PTPRZ1: variants seen among roughly 807,000 people sequenced by gnomAD.
PTPRZ1 encodes the protein receptor-type tyrosine-protein phosphatase zeta.
In PTPRZ1, 82 loss-of-function variants were observed where a neutral mutation model predicts 214.1. That is an observed-to-expected ratio of 0.38 (90% confidence interval 0.32 to 0.46). The LOEUF (loss-of-function observed/expected upper bound fraction) is 0.46. Ranked by LOEUF, PTPRZ1 falls within the 20% of genes least tolerant of loss-of-function variation. PTPRZ1 has a pLI of 1.00. For missense variants in PTPRZ1, 2,603 were observed against 2,748.7 expected (o/e 0.95, Z 1.19); for synonymous variants, 945 against 987.9 (o/e 0.96, Z 0.81).
At chr7:122,018,171 T>C (rs1184651022) in intron 12 of PTPRZ1, among the ~76,000 whole-genome samples, 1 of 152,166 alleles carries the variant, frequency 6.6e-6, no homozygotes, top group Non-Finnish European at 1.5e-5. Flanking sequence ...TATAAGGGCT[T>C]TTTGTAGCAC....
chr7:121,882,663 A>T (rs973811821), intron 1 of PTPRZ1, among the ~76,000 whole-genome samples: 3 of 152,146 alleles, frequency 2.0e-5, no homozygotes, highest in African/African-American at 7.2e-5. Context: ...ACTGGAATAG[A>T]TCTCTTTATT....
chr7:122,048,261 A>G (rs898317588), intron 23 of PTPRZ1, among the ~76,000 whole-genome samples: 1 of 152,174 alleles, frequency 6.6e-6, no homozygotes, highest in Non-Finnish European at 1.5e-5. Flanking sequence ...AAGATTTAAC[A>G]AAACCTAATG....
intron 10 of PTPRZ1, among the ~76,000 whole-genome samples, chr7:121,998,313 G>T (rs1798208314): frequency 6.6e-6 from 1 of 152,102 alleles, no homozygotes; most frequent in South Asian, 2.1e-4. Flanking sequence ...TGTTGAGACT[G>T]TTATTTTGGA....
intron 13 of PTPRZ1, among the ~76,000 whole-genome samples, chr7:122,024,076 A>T (rs1799133989): frequency 6.6e-6 from 1 of 151,820 alleles, no homozygotes; most frequent in Non-Finnish European, 1.5e-5. Context: ...ACGTGAAGAC[A>T]TTCACTGCTT....
At chr7:121,991,310 C>T (rs1797954723) in intron 8 of PTPRZ1, among the ~76,000 whole-genome samples, 1 of 152,102 alleles carries the variant, frequency 6.6e-6, no homozygotes, top group Non-Finnish European at 1.5e-5. Flanking sequence ...GTATACTATT[C>T]AAGTTTTTCA....
At chr7:121,951,625 G>T (rs1051857553) in intron 2 of PTPRZ1, among the ~76,000 whole-genome samples, 1 of 152,176 alleles carries the variant, frequency 6.6e-6, no homozygotes, top group African/African-American at 2.4e-5. Context: ...GTCAGCTGGG[G>T]TTCTCAACCT....
chr7:121,898,489 G>T (rs1441643957), intron 1 of PTPRZ1, among the ~76,000 whole-genome samples: 1 of 152,042 alleles, frequency 6.6e-6, no homozygotes, highest in African/African-American at 2.4e-5. Context: ...TATTCAAATT[G>T]TATTTTCTAG....
chr7:121,952,622 A>G (rs1264146417), intron 2 of PTPRZ1, among the ~76,000 whole-genome samples: 1 of 152,112 alleles, frequency 6.6e-6, no homozygotes, highest in Non-Finnish European at 1.5e-5. Context: ...AGTTTTGAAG[A>G]ATCAATTTAT....
chr7:122,054,827 C>A, intron 26 of PTPRZ1, 114 bp from the exon 27 acceptor site: 1 of 1,054,598 alleles, frequency 9.5e-7, no homozygotes, highest in Non-Finnish European at 1.3e-6. Flanking sequence ...TATTCAGATT[C>A]AAAGAAAAAT....
intron 10 of PTPRZ1, among the ~76,000 whole-genome samples, chr7:122,001,433 G>A (rs1249573210): frequency 6.6e-6 from 1 of 152,122 alleles, no homozygotes; most frequent in Non-Finnish European, 1.5e-5. Context: ...ATAATTATAT[G>A]TGTTAGATTT....
intron 1 of PTPRZ1, among the ~76,000 whole-genome samples, chr7:121,894,732 C>A (rs1246195599): frequency 1.3e-5 from 2 of 152,128 alleles, no homozygotes; most frequent in Non-Finnish European, 2.9e-5. Context: ...CCCATTCAAT[C>A]ATTGCTCTTT....
At chr7:121,911,286 A>G (rs1795268793) in intron 1 of PTPRZ1, among the ~76,000 whole-genome samples, 1 of 152,150 alleles carries the variant, frequency 6.6e-6, no homozygotes, top group African/African-American at 2.4e-5. Context: ...TTTCTTAATA[A>G]TTATATGCAC....
intron 1 of PTPRZ1, among the ~76,000 whole-genome samples, chr7:121,927,785 A>C (rs548464587): frequency 2.0e-5 from 3 of 152,362 alleles, no homozygotes; most frequent in African/African-American, 7.2e-5. Context: ...TTAATTAATA[A>C]GATTTCAGGC....
intron 23 of PTPRZ1, among the ~76,000 whole-genome samples, chr7:122,051,027 T>C (rs1792163532): frequency 6.6e-6 from 1 of 151,998 alleles, no homozygotes; most frequent in East Asian, 1.9e-4. Context: ...TGTAATGGAG[T>C]AGTAACAGAA....
At position 122,047,344 on chromosome 7, in the gene PTPRZ1, GT is replaced by G. The variant is rs917063396; in HGVS notation, c.6084+2778del. 3.0e-4 allele frequency among the ~76,000 whole-genome samples: 46 copies of G among 152,140 alleles called. 1 individual carries two copies. The highest frequency in any genetic ancestry group is 1.1e-3 in the African/African-American group (44 of 41,498). Reference sequence around the variant, plus strand: ...AACTTTGAGTTAGTAAGATTTGGGGGTTGTTTATTTGGGGTTTCTTTGCTTA... The same window carrying G: ...AACTTTGAGTTAGTAAGATTTGGGGGTGTTTATTTGGGGTTTCTTTGCTTA... On this transcript the variant is annotated intron_variant, in intron 23 of 29. Transcript: ENST00000393386.
At position 122,011,023 on chromosome 7, in the gene PTPRZ1, C is replaced by T. The variant is rs1184166454; in HGVS notation, c.1977C>T (p.Asp659=). 6.2e-6 allele frequency: 10 copies of T among 1,614,116 alleles called. No homozygotes were observed. Among genetic ancestry groups the T allele is most frequent in the South Asian group, 1.1e-5 (1 of 91,076 alleles). The part of the protein sequence containing the change: ...EGNVWFPSST[D]ITAQPDVGSG... ...ATGTGTGGTTTCCTAGCTCTACAGA[C>T]ATAACAGCACAGCCCGATGTTGGAT... Residue 659 remains aspartate (D), a synonymous_variant, in exon 12 of 30, where the codon GAC becomes GAT. Coordinates refer to ENST00000393386, the MANE Select transcript of PTPRZ1 (RefSeq NM_002851.3).
intron 2 of PTPRZ1, among the ~76,000 whole-genome samples, chr7:121,946,792 A>G (rs1328304903): frequency 1.3e-5 from 2 of 152,210 alleles, no homozygotes; most frequent in Admixed American, 6.5e-5. Flanking sequence ...ACTGACTAAG[A>G]TACAGTGAGA....
At chr7:121,992,266 C>G (rs1471321461) in intron 8 of PTPRZ1, among the ~76,000 whole-genome samples, 1 of 152,176 alleles carries the variant, frequency 6.6e-6, no homozygotes, top group East Asian at 1.9e-4. Flanking sequence ...TAGAGAGGAA[C>G]AGAAGTGGAA....
intron 12 of PTPRZ1, among the ~76,000 whole-genome samples, chr7:122,016,246 A>T (rs945452292): frequency 6.6e-6 from 1 of 152,046 alleles, no homozygotes; most frequent in African/African-American, 2.4e-5. Flanking sequence ...TGTAATGCTT[A>T]AATTGTAATA....
Sources: allele counts gnomAD v4.1 joint callset (sites outside exome capture counted in the v4.1 genomes callset), GRCh38; gene constraint gnomAD v4.1.1; transcripts MANE v1.5; gene names NCBI Gene and HGNC (gene_info 2026-07-23, HGNC 2026-07-21).